MTM1: variants seen among roughly 807,000 people sequenced by gnomAD.
MTM1 encodes myotubularin 1.
A neutral mutation model predicts 52.1 loss-of-function variants in MTM1; 9 were observed. The ratio of observed to expected loss-of-function variants is 0.17; its 90% CI spans 0.10 to 0.30. MTM1 has a LOEUF of 0.30. MTM1 is among the 10% of genes least tolerant of loss of function. The pLI, the probability that MTM1 is intolerant of heterozygous loss-of-function variation, is 1.00. For synonymous variants in MTM1, 136 were observed against 163.8 expected, an observed-to-expected ratio of 0.83 and a Z score of 1.29; for missense variants, 277 against 470.7, an observed-to-expected ratio of 0.59 and a Z score of 3.81.
chrX:150,662,039 T>G (rs1413000227), intron 13 of MTM1, among the ~76,000 whole-genome samples: 2 of 112,006 alleles, frequency 1.8e-5, no homozygotes, highest in East Asian at 2.8e-4. Flanking sequence ...ACCTTAAATA[T>G]ATACAGTTTT....
At chrX:150,584,987 T>C (rs2038757961) in intron 1 of MTM1, among the ~76,000 whole-genome samples, 2 of 110,787 alleles carry the variant, frequency 1.8e-5, no homozygotes. Context: ...CCGCAGTTGG[T>C]TGAATCCCTA....
At chrX:150,628,811 C>T (rs896201360) in intron 6 of MTM1, among the ~76,000 whole-genome samples, 1 of 108,115 alleles carries the variant, frequency 9.2e-6, no homozygotes, top group Non-Finnish European at 1.9e-5. Context: ...CACAGCTCAC[C>T]GCAGCCCGCA....
intron 6 of MTM1, among the ~76,000 whole-genome samples, chrX:150,636,199 C>T (rs1393783009): frequency 9.0e-6 from 1 of 111,293 alleles, no homozygotes; most frequent in Non-Finnish European, 1.9e-5. Flanking sequence ...GAGAGTCCAT[C>T]TGATGTGTGG....
chrX:150,592,226 CT>C (rs2038897378), intron 1 of MTM1, among the ~76,000 whole-genome samples: 1 of 111,907 alleles, frequency 8.9e-6, no homozygotes, highest in African/African-American at 3.3e-5. Context: ...TCTAAATTAT[CT>C]TTAAAAAATA....
chrX:150,596,706 ACT>A (rs1411373266), intron 3 of MTM1, 136 bp downstream of exon 3: 3 of 490,924 alleles, frequency 6.1e-6, no homozygotes, highest in Admixed American at 5.9e-5. Flanking sequence ...TTAACACAGA[ACT>A]CTCTGCATCC....
chrX:150,583,695 T>TATATAAA (rs1491549610), intron 1 of MTM1, among the ~76,000 whole-genome samples: 2,848 of 39,690 alleles, frequency 0.072, 445 homozygotes, highest in Middle Eastern at 0.17. Flanking sequence ...GTATATATTA[T>TATATAAA]TTATAAATAT....
intron 4 of MTM1, among the ~76,000 whole-genome samples, chrX:150,600,510 C>A (rs2039050798): frequency 9.0e-6 from 1 of 111,690 alleles, no homozygotes; most frequent in Non-Finnish European, 1.9e-5. Flanking sequence ...GTATTCCAAG[C>A]CAGATGCCAA....
rs2040154748 is a variant in MTM1, at chrX:150,658,076, T to C, written c.1260+49T>C. 3.0e-6 allele frequency: 3 copies of C among 986,009 alleles called. No individual in the cohort carries two copies. The East Asian group carries it at 9.3e-5, about 31-fold the overall frequency. 81.3% of individuals were successfully genotyped at this position (986,009 alleles called of 1,213,427 possible). A position where few individuals can be genotyped will look rare whatever the true frequency, so the allele number is the denominator to read the frequency against. Reference sequence around the variant, plus strand: ...AAAAATAGATCACTACCATTCAGGATTTTAAAACTAGTTGTTAAATTACAT... The same window carrying C: ...AAAAATAGATCACTACCATTCAGGACTTTAAAACTAGTTGTTAAATTACAT... On this transcript the variant is annotated intron_variant, in intron 11 of 14. Transcript: ENST00000370396.
chrX:150,633,629 A>G (rs2039705339), intron 6 of MTM1, among the ~76,000 whole-genome samples: 1 of 111,521 alleles, frequency 9.0e-6, no homozygotes, highest in Non-Finnish European at 1.9e-5. Flanking sequence ...CTTAAATGGT[A>G]GATGGAAGCT....
chrX:150,628,665 C>T (rs1252336923), intron 6 of MTM1, among the ~76,000 whole-genome samples: 2 of 111,091 alleles, frequency 1.8e-5, no homozygotes, highest in African/African-American at 6.6e-5. Flanking sequence ...ATATCATTGT[C>T]CTCTTGTTCA....
At position 150,632,627 on chromosome X, in the gene MTM1, C is replaced by T. The variant is rs781854632; in HGVS notation, c.445-6316C>T. Among the ~76,000 whole-genome samples, 7 of 111,132 alleles carry T rather than the reference C, an allele frequency of 6.3e-5. No homozygotes were observed. The South Asian group carries it at 2.7e-3, about 43-fold the overall frequency. On this transcript the variant is annotated intron_variant, in intron 6 of 14. Coordinates refer to ENST00000370396, the MANE Select transcript of MTM1 (RefSeq NM_000252.3). ...TTTCTGGGGATTTTTGCTAGTCACC[C>T]CAGTCCTTGATGATGAGGGCTTGAA... is the stretch of plus-strand genomic sequence containing the variant.
rs868921502 is a variant in MTM1, at chrX:150,641,381, G to A, written c.641G>A (p.Arg214Gln). The A allele has an allele frequency of 8.3e-6, 10 of 1,209,563 alleles. No individual in the cohort carries two copies. The African/African-American group carries it at 1.1e-4, about 13-fold the overall frequency. Residue 214 changes from arginine to glutamine, a missense_variant, in exon 8 of 15, where the codon CGG becomes CAG. Transcript: ENST00000370396. ...VPYRASDDDL[R>Q]RVATFRSRNR... ...TATCGTGCCTCAGATGATGACCTCC[G>A]GAGAGTTGCAACTTTTAGGTCCCGA...
At chrX:150,632,557 G>A (rs1557413604) in intron 6 of MTM1, among the ~76,000 whole-genome samples, 1 of 111,842 alleles carries the variant, frequency 8.9e-6, no homozygotes, top group African/African-American at 3.3e-5. Flanking sequence ...TGCAGTGTGT[G>A]CAGAGTAGGT....
At chrX:150,657,796 T>G in intron 10 of MTM1, 25 bp from the exon 11 acceptor site, 1 of 1,189,894 alleles carries the variant, frequency 8.4e-7, no homozygotes, top group Non-Finnish European at 1.1e-6. Flanking sequence ...AACTCCCTAC[T>G]GACTCACGTA....
At position 150,592,609 on chromosome X, in the gene MTM1, T is replaced by G; in HGVS notation, c.-6T>G. 8.4e-7 allele frequency: 1 copy of G among 1,192,322 alleles called. No individual in the cohort carries two copies. The highest frequency in any genetic ancestry group is 1.1e-6 in the Non-Finnish European group (1 of 878,030). ...GAATGTTGTGTTTCTTGGTAGAGTT[T>G]CCAGGATGGCTTCTGCATCAACTTC... On this transcript the variant is annotated 5_prime_UTR_variant, in exon 2 of 15. Coordinates refer to ENST00000370396, the MANE Select transcript of MTM1 (RefSeq NM_000252.3).
At chrX:150,644,358 A>T (rs1203353363) in intron 8 of MTM1, among the ~76,000 whole-genome samples, 1 of 110,892 alleles carries the variant, frequency 9.0e-6, no homozygotes, top group Non-Finnish European at 1.9e-5. Flanking sequence ...CAAGGCTCCC[A>T]GTTCTGAGCC....
At chrX:150,651,941 G>A (rs1557414218) in intron 10 of MTM1, among the ~76,000 whole-genome samples, 1 of 110,971 alleles carries the variant, frequency 9.0e-6, no homozygotes, top group East Asian at 2.8e-4. Flanking sequence ...ACTTGAAGGA[G>A]GTTTATTAGC....
At chrX:150,582,638 A>G (rs1440261937) in intron 1 of MTM1, among the ~76,000 whole-genome samples, 5 of 111,338 alleles carry the variant, frequency 4.5e-5, no homozygotes, top group African/African-American at 1.6e-4. Context: ...ACACACAGGG[A>G]GAAAGCCATG....
intron 6 of MTM1, among the ~76,000 whole-genome samples, chrX:150,625,953 T>C (rs963368768): frequency 8.9e-6 from 1 of 112,651 alleles, no homozygotes; most frequent in Non-Finnish European, 1.9e-5. Flanking sequence ...ACTGCTGGTG[T>C]AGTACATTAG....
Sources: gnomAD v4.1 joint callset for allele counts (sites outside exome capture counted in the v4.1 genomes callset) on GRCh38, gnomAD v4.1.1 for gene constraint, MANE v1.5 for transcripts, NCBI Gene and HGNC (gene_info 2026-07-23, HGNC 2026-07-21) for gene names.